Variants in TAOK1 observed in about 807,000 individuals in gnomAD.
The protein encoded by TAOK1 is TAO kinase 1.
A neutral mutation model predicts 138.3 loss-of-function variants in TAOK1; 21 were observed. The observed-to-expected ratio is 0.15, with a 90% confidence interval of 0.11 to 0.22. The LOEUF (loss-of-function observed/expected upper bound fraction) is 0.22, where lower values mean the gene tolerates loss of function less well. TAOK1 is among the 10% of genes least tolerant of loss of function. The pLI is 1.00. For synonymous variants in TAOK1, 361 were observed against 398.4 expected (o/e 0.91, Z 1.12); for missense variants, 651 against 1,227.7 (o/e 0.53, Z 7.02).
intron 1 of TAOK1, chr17:29,445,162 T>C (rs2030044556): frequency 1.3e-5 from 2 of 152,226 alleles, no homozygotes; most frequent in African/African-American, 4.8e-5. Flanking sequence ...TATATATTTA[T>C]GGGGTACATG....
intron 2 of TAOK1, among the ~76,000 whole-genome samples, chr17:29,464,689 T>C (rs1294276788): frequency 4.6e-5 from 7 of 152,186 alleles, no homozygotes; most frequent in Admixed American, 2.0e-4. Flanking sequence ...ACAAGACTTA[T>C]GTGGCTAGAT....
At chr17:29,408,349 C>T (rs1905052993) in intron 1 of TAOK1, among the ~76,000 whole-genome samples, 1 of 151,810 alleles carries the variant, frequency 6.6e-6, no homozygotes, top group Non-Finnish European at 1.5e-5. Context: ...CCTCAGCCTC[C>T]CAAGTAGATG....
At chr17:29,493,149 G>A (rs1333230860) in intron 10 of TAOK1, among the ~76,000 whole-genome samples, 2 of 150,974 alleles carry the variant, frequency 1.3e-5, no homozygotes, top group Non-Finnish European at 3.0e-5. Flanking sequence ...CCAAAAAAAA[G>A]AAAGAAAGAA....
chr17:29,429,807 A>C (rs1333566153), intron 1 of TAOK1, among the ~76,000 whole-genome samples: 1 of 152,150 alleles, frequency 6.6e-6, no homozygotes, highest in African/African-American at 2.4e-5. Context: ...CCAACCCTTC[A>C]GGCACTTGTG....
intron 1 of TAOK1, among the ~76,000 whole-genome samples, chr17:29,421,993 G>C (rs1451129233): frequency 6.6e-6 from 1 of 152,012 alleles, no homozygotes; most frequent in Non-Finnish European, 1.5e-5. Context: ...CATCTCCCGG[G>C]TTCACGCCAT....
chr17:29,527,948 T>G (rs1028424879), intron 17 of TAOK1, among the ~76,000 whole-genome samples: 6 of 152,226 alleles, frequency 3.9e-5, no homozygotes, highest in African/African-American at 1.4e-4. Flanking sequence ...ATACTGTAGT[T>G]CATGTCTGTT....
rs547368498 is a variant in TAOK1, at chr17:29,464,822, CTTTT to C, written c.133-2306_133-2303del. On this transcript the variant is annotated intron_variant, in intron 2 of 19. Coordinates refer to ENST00000261716, the MANE Select transcript of TAOK1 (RefSeq NM_020791.4). ...GCAGAACACAGATAATAAGCTCTGT[CTTTT>C]TTTTTTTTTTTTTTTTGATACAGGG... Among the ~76,000 whole-genome samples the C allele has an allele frequency of 2.6e-3, 338 of 132,050 alleles. 1 individual carries two copies. The highest frequency in any genetic ancestry group is 3.4e-3 in the Non-Finnish European group (208 of 61,560). 86.6% of individuals were successfully genotyped at this position (132,050 alleles called of 152,430 possible).
intron 2 of TAOK1, among the ~76,000 whole-genome samples, chr17:29,457,009 AG>A (rs1174805134): frequency 1.3e-5 from 2 of 149,808 alleles, no homozygotes; most frequent in Non-Finnish European, 2.9e-5. Flanking sequence ...CTGGGATTAC[AG>A]GCGTGAGCCA....
At chr17:29,499,254 G>A (rs1286960682) in intron 12 of TAOK1, among the ~76,000 whole-genome samples, 5 of 137,634 alleles carry the variant, frequency 3.6e-5, no homozygotes, top group African/African-American at 5.4e-5. Context: ...TTTTTGAAAC[G>A]GAGTCTCACT....
chr17:29,465,128 ATTTTTTTTTTTTTTTT>A (rs57794003), intron 2 of TAOK1, among the ~76,000 whole-genome samples: 1 of 63,100 alleles, frequency 1.6e-5, no homozygotes, highest in South Asian at 6.6e-4. Context: ...GTCTTATTTA[ATTTTTTTTTTTTTTTT>A]TTTTTTTTTT....
At chr17:29,420,412 T>G (rs548242680) in intron 1 of TAOK1, among the ~76,000 whole-genome samples, 8 of 152,224 alleles carry the variant, frequency 5.3e-5, no homozygotes, top group Non-Finnish European at 2.9e-5. Context: ...TTTTGTGGAC[T>G]GGGATTTTCT....
intron 2 of TAOK1, among the ~76,000 whole-genome samples, chr17:29,459,660 T>TA (rs1193005560): frequency 2.0e-5 from 3 of 152,234 alleles, no homozygotes; most frequent in Non-Finnish European, 4.4e-5. Context: ...GGTGGACACT[T>TA]ACATTGTTTC....
chr17:29,451,805 A>C, intron 2 of TAOK1, 125 bp downstream of exon 2: 1 of 1,164,806 alleles, frequency 8.6e-7, no homozygotes, highest in Non-Finnish European at 1.2e-6. Flanking sequence ...CATAGGGGGA[A>C]GAGAGAGAGC....
At position 29,495,563 on chromosome 17, in the gene TAOK1, A is replaced by G. The variant is rs368881792; in HGVS notation, c.835A>G (p.Ile279Val). 60 of 1,596,674 alleles carry G rather than the reference A, an allele frequency of 3.8e-5. No homozygotes were observed. The highest frequency in any genetic ancestry group is 5.0e-5 in the Non-Finnish European group (59 of 1,170,246). Reference protein sequence around the residue: ...RPTSEELLKHIFVLRERPETV... With the variant: ...RPTSEELLKHVFVLRERPETV... The stretch of plus-strand genomic sequence containing the variant: ...TTTTACCTTCTACCCTATCTAGCAC[A>G]TATTTGTTCTTCGGGAGCGCCCTGA... The change falls in exon 11 of 20, where the codon ATA (isoleucine) becomes GTA (valine). Residue 279 changes from isoleucine to valine, a missense_variant. Around this residue, in one of 8 missense-constraint regions of TAOK1, gnomAD observed 39 missense variants for 52.5 expected, o/e 0.74. Transcript: ENST00000261716.
In TAOK1 at chr17:29,522,450, T is replaced by C; in HGVS notation, c.2079T>C (p.Asn693=). 1 of 1,614,144 alleles carries C rather than the reference T, an allele frequency of 6.2e-7. No homozygotes were observed. The highest frequency in any genetic ancestry group is 8.5e-7 in the Non-Finnish European group (1 of 1,180,044). Reference sequence around the variant, plus strand: ...AGCTCACTAACCAGCTGGAATATAATAAGCGAAGAGAACGAGAACTAAGAC... The same window carrying C: ...AGCTCACTAACCAGCTGGAATATAACAAGCGAAGAGAACGAGAACTAAGAC... ...QTELTNQLEY[N]KRRERELRRK... is the part of the protein sequence containing the mutation. Residue 693 remains asparagine, a synonymous_variant, in exon 17 of 20, where the codon AAT becomes AAC. Coordinates refer to ENST00000261716, the MANE Select transcript of TAOK1 (RefSeq NM_020791.4).
At chr17:29,507,236 A>AT (rs1178348432) in intron 13 of TAOK1, among the ~76,000 whole-genome samples, 1 of 148,266 alleles carries the variant, frequency 6.7e-6, no homozygotes, top group Non-Finnish European at 1.5e-5. Context: ...TATGTCTTGT[A>AT]TTTTATCTTG....
intron 13 of TAOK1, among the ~76,000 whole-genome samples, chr17:29,503,034 G>GT (rs1427740951): frequency 1.3e-5 from 2 of 152,148 alleles, no homozygotes; most frequent in African/African-American, 2.4e-5. Context: ...TTATGAAATA[G>GT]TTTGAGTATT....
intron 2 of TAOK1, among the ~76,000 whole-genome samples, chr17:29,464,522 G>T (rs189938342): frequency 6.6e-6 from 1 of 151,540 alleles, no homozygotes; most frequent in Non-Finnish European, 1.5e-5. Context: ...ATGTACTAAA[G>T]GCCATTGAAT....
At chr17:29,500,772 A>C (rs2031508644) in intron 12 of TAOK1, among the ~76,000 whole-genome samples, 1 of 152,022 alleles carries the variant, frequency 6.6e-6, no homozygotes, top group African/African-American at 2.4e-5. Context: ...TTTTACATCC[A>C]GTAGAATATT....
Sources: gnomAD v4.1 joint callset for allele counts (sites outside exome capture counted in the v4.1 genomes callset) on GRCh38, gnomAD v4.1.1 for gene constraint, gnomAD v4.1.1 regional missense constraint, MANE v1.5 for transcripts, NCBI Gene and HGNC (gene_info 2026-07-23, HGNC 2026-07-21) for gene names.